LAMA2: variants seen among roughly 807,000 people sequenced by gnomAD.
LAMA2 encodes laminin subunit alpha 2, also known as laminin subunit alpha-2.
LAMA2 carries 269 observed loss-of-function variants against 364.8 expected under a neutral mutation model. The ratio of observed to expected loss-of-function variants is 0.74; its 90% CI spans 0.67 to 0.82. The LOEUF is 0.82. Among genes scored for constraint, LAMA2 ranks in the 40% least tolerant of loss-of-function variants. The pLI is 0.00. For synonymous variants in LAMA2, 1,379 were observed against 1,370.6 expected, an observed-to-expected ratio of 1.01 and a Z score of -0.14; for missense variants, 3,807 against 3,873.2, an observed-to-expected ratio of 0.98 and a Z score of 0.45.
At chr6:129,407,763 CTGGATTGGGT>C (rs1219229958) in intron 40 of LAMA2, among the ~76,000 whole-genome samples, 1 of 152,198 alleles carries the variant, frequency 6.6e-6, no homozygotes. Flanking sequence ...GTAGTCCTGT[CTGGATTGGGT>C]TGGATTGGGT....
chr6:129,094,475 A>AT (rs923907288), intron 3 of LAMA2, among the ~76,000 whole-genome samples: 3 of 152,144 alleles, frequency 2.0e-5, no homozygotes, highest in African/African-American at 7.2e-5. Context: ...TTCGTGGATT[A>AT]TTTTTATCTA....
chr6:129,404,834 T>C (rs1230380307), intron 40 of LAMA2, among the ~76,000 whole-genome samples: 1 of 152,068 alleles, frequency 6.6e-6, no homozygotes. Flanking sequence ...GCTTCAGTGT[T>C]GGGCAAAAAT....
At chr6:129,352,009 T>C (rs992666262) in intron 31 of LAMA2, among the ~76,000 whole-genome samples, 5 of 152,220 alleles carry the variant, frequency 3.3e-5, no homozygotes, top group African/African-American at 7.2e-5. Context: ...TATGATTATC[T>C]TGCCAGTATT....
At chr6:129,506,018 A>G (rs1172305641) in intron 61 of LAMA2, among the ~76,000 whole-genome samples, 1 of 152,160 alleles carries the variant, frequency 6.6e-6, no homozygotes, top group East Asian at 1.9e-4. Context: ...TGATAATACT[A>G]AACAAAAAGG....
intron 1 of LAMA2, among the ~76,000 whole-genome samples, chr6:128,934,487 A>T (rs1307580252): frequency 1.3e-5 from 2 of 150,124 alleles, no homozygotes. Flanking sequence ...TTTTTTCTAC[A>T]TTTTCTTTCT....
chr6:129,213,430 C>T (rs1783227722), intron 12 of LAMA2, among the ~76,000 whole-genome samples: 1 of 152,146 alleles, frequency 6.6e-6, no homozygotes, highest in African/African-American at 2.4e-5. Context: ...TCAGAGCATG[C>T]TAGTTTTGTA....
chr6:128,940,148 C>G lies in LAMA2; in HGVS notation c.112+56791C>G, dbSNP rs117197955. Among the ~76,000 whole-genome samples, 1,408 of 152,064 alleles carry G rather than the reference C, an allele frequency of 9.3e-3. 14 individuals are homozygous for G. Among genetic ancestry groups the G allele is most frequent in the Non-Finnish European group, 0.012 (814 of 67,984 alleles). ...GAATGTGTTCTGTTCCTTCTACTGCCTTAAAAAGCCCTCATCACTGAGTCT... is the reference window on the plus strand; with the variant it reads ...GAATGTGTTCTGTTCCTTCTACTGCGTTAAAAAGCCCTCATCACTGAGTCT... On this transcript the variant is annotated intron_variant, in intron 1 of 64. Transcript: ENST00000421865.
Position 129,415,987 on chromosome 6 carries a change from C to A in LAMA2, c.5866-11765C>A, listed in dbSNP as rs1321996861. 1.3e-4 allele frequency among the ~76,000 whole-genome samples: 4 copies of A among 31,888 alleles called. 1 individual carries two copies. Among genetic ancestry groups the A allele is most frequent in the Non-Finnish European group, 2.1e-4 (4 of 18,916 alleles). 20.9% of individuals were successfully genotyped at this position (31,888 alleles called of 152,430 possible). On this transcript the variant is annotated intron_variant, in intron 40 of 64. Coordinates refer to ENST00000421865, the MANE Select transcript of LAMA2 (RefSeq NM_000426.4). ...TTTTTGAGACGGAGTCTCGCTCTGT[C>A]GCCCAGGCTGGAGTGCAGTGGCGGG...
chr6:129,126,536 A>G (rs1272504321), intron 4 of LAMA2, among the ~76,000 whole-genome samples: 5 of 150,972 alleles, frequency 3.3e-5, no homozygotes, highest in African/African-American at 1.2e-4. Context: ...GTACAATTCT[A>G]CTGGTAAGAC....
chr6:129,353,692 T>C (rs1054556545), intron 32 of LAMA2, among the ~76,000 whole-genome samples: 2 of 152,144 alleles, frequency 1.3e-5, no homozygotes, highest in Non-Finnish European at 2.9e-5. Context: ...TTGTGACAGA[T>C]TAAAGATGTG....
chr6:129,300,944 C>A, intron 22 of LAMA2, 72 bp downstream of exon 22: 1 of 1,352,852 alleles, frequency 7.4e-7, no homozygotes, highest in Non-Finnish European at 1.1e-6. Flanking sequence ...TGTAATTGGG[C>A]ATTTCAAAAT....
At chr6:129,260,562 C>G (rs1583361715) in intron 14 of LAMA2, 149 bp from the exon 15 acceptor site, 1 of 689,838 alleles carries the variant, frequency 1.4e-6, no homozygotes. Flanking sequence ...TGACAAAGGA[C>G]CAGAGCTTTT....
chr6:129,237,208 A>G (rs551094592), intron 12 of LAMA2, among the ~76,000 whole-genome samples: 100 of 152,374 alleles, frequency 6.6e-4, no homozygotes, highest in African/African-American at 2.3e-3. Context: ...CTTGCAAAGC[A>G]TAATGTCAGT....
At chr6:129,351,870 A>G (rs889412326) in intron 31 of LAMA2, among the ~76,000 whole-genome samples, 2 of 152,196 alleles carry the variant, frequency 1.3e-5, no homozygotes, top group Non-Finnish European at 2.9e-5. Flanking sequence ...AATCAAAAAC[A>G]TGAATGTATA....
chr6:129,283,487 T>G (rs1331617061), intron 18 of LAMA2, among the ~76,000 whole-genome samples: 2 of 151,886 alleles, frequency 1.3e-5, no homozygotes, highest in Non-Finnish European at 2.9e-5. Flanking sequence ...ATGGGATACA[T>G]AGACTTCTTA....
Position 128,946,650 on chromosome 6 carries a change from A to G in LAMA2, c.112+63293A>G, listed in dbSNP as rs531595491. ...ATCCTCAACTTTTTCTCTTCAATGT[A>G]TGTGACCTCTATTTATATAGTCAAT... On this transcript the variant is annotated intron_variant, in intron 1 of 64. Transcript: ENST00000421865. Among the ~76,000 whole-genome samples the G allele has an allele frequency of 2.0e-5, 3 of 152,334 alleles. No homozygotes were observed. The East Asian group carries it at 5.8e-4, about 29-fold the overall frequency.
At chr6:129,081,274 A>G (rs1264091179) in intron 3 of LAMA2, among the ~76,000 whole-genome samples, 1 of 152,104 alleles carries the variant, frequency 6.6e-6, no homozygotes. Flanking sequence ...GGATAGCATT[A>G]GGAGATACAC....
chr6:129,270,323 T>G (rs2114355746), intron 16 of LAMA2, among the ~76,000 whole-genome samples: 1 of 150,060 alleles, frequency 6.7e-6, no homozygotes, highest in Non-Finnish European at 1.5e-5. Context: ...ACACGCAATA[T>G]CATGTATTTT....
chr6:128,960,520 C>T (rs998195241), intron 1 of LAMA2, among the ~76,000 whole-genome samples: 5 of 151,534 alleles, frequency 3.3e-5, no homozygotes, highest in Non-Finnish European at 5.9e-5. Context: ...CCACCAAACC[C>T]GGCTAATTTT....
Sources: allele counts gnomAD v4.1 joint callset (sites outside exome capture counted in the v4.1 genomes callset), GRCh38; gene constraint gnomAD v4.1.1; transcripts MANE v1.5; gene names NCBI Gene and HGNC (gene_info 2026-07-23, HGNC 2026-07-21).